RARB: variants seen among roughly 807,000 people sequenced by gnomAD.
The protein encoded by RARB is retinoic acid receptor beta, also known as HBV-activated protein.
A neutral mutation model predicts 51.9 loss-of-function variants in RARB; 17 were observed. The observed-to-expected ratio is 0.33, with a 90% CI of 0.22 to 0.49. The LOEUF (loss-of-function observed/expected upper bound fraction) is 0.49, where lower values mean the gene tolerates loss of function less well. Ranked by LOEUF, RARB falls within the 20% of genes least tolerant of loss-of-function variation. RARB has a pLI of 0.99. For synonymous variants in RARB, 215 were observed against 195.4 expected (o/e 1.10, Z -0.84); for missense variants, 369 against 550.8 (o/e 0.67, Z 3.30).
intron 2 of RARB, among the ~76,000 whole-genome samples, chr3:24,954,288 A>G (rs1464692189): frequency 2.0e-5 from 3 of 152,186 alleles, no homozygotes; most frequent in Non-Finnish European, 2.9e-5. Context: ...AAAATTCATC[A>G]TGTGTCCACT....
chr3:25,232,824 T>G (rs1702210256), intron 5 of RARB, among the ~76,000 whole-genome samples: 1 of 152,140 alleles, frequency 6.6e-6, no homozygotes, highest in Admixed American at 6.6e-5. Context: ...TTACATGAGA[T>G]ATTCAACACT....
intron 2 of RARB, among the ~76,000 whole-genome samples, chr3:24,891,136 A>C (rs1206947559): frequency 6.6e-6 from 1 of 152,184 alleles, no homozygotes; most frequent in Admixed American, 6.5e-5. Context: ...CCAAATGTAA[A>C]AAGTAATCCT....
chr3:25,108,537 C>T (rs114714481), intron 3 of RARB, among the ~76,000 whole-genome samples: 3 of 152,104 alleles, frequency 2.0e-5, no homozygotes, highest in Non-Finnish European at 4.4e-5. Flanking sequence ...TGCCATACAT[C>T]ACTCGTAATC....
intron 5 of RARB, among the ~76,000 whole-genome samples, chr3:25,237,151 T>C (rs1207253439): frequency 1.3e-5 from 2 of 152,104 alleles, no homozygotes; most frequent in African/African-American, 4.8e-5. Context: ...TTTCTTGCAT[T>C]AATATCTCAA....
intron 3 of RARB, among the ~76,000 whole-genome samples, chr3:25,563,073 G>A (rs1319035323): frequency 6.6e-6 from 1 of 152,164 alleles, no homozygotes; most frequent in Non-Finnish European, 1.5e-5. Flanking sequence ...TTTCCCCCAA[G>A]ACTTCAATAT....
chr3:25,277,287 C>T (rs548815169), intron 5 of RARB, among the ~76,000 whole-genome samples: 5 of 152,204 alleles, frequency 3.3e-5, no homozygotes, highest in South Asian at 2.1e-4. Flanking sequence ...CACCTAGCAG[C>T]GTAGCCTGGG....
intron 5 of RARB, among the ~76,000 whole-genome samples, chr3:25,213,015 A>G (rs940910339): frequency 1.4e-4 from 21 of 152,208 alleles, no homozygotes; most frequent in African/African-American, 5.1e-4. Context: ...GTTTTCTTCC[A>G]AATTCGCGTA....
intron 4 of RARB, among the ~76,000 whole-genome samples, chr3:25,571,769 A>C (rs1489869353): frequency 6.6e-6 from 1 of 152,212 alleles, no homozygotes; most frequent in Non-Finnish European, 1.5e-5. Context: ...CTAAATGGGA[A>C]TAATGTGAAA....
intron 1 of RARB, among the ~76,000 whole-genome samples, chr3:24,852,547 G>A (rs909741574): frequency 9.2e-5 from 14 of 152,018 alleles, no homozygotes; most frequent in Admixed American, 3.9e-4. Context: ...CCACATAAAG[G>A]CTTGTACATA....
intron 5 of RARB, among the ~76,000 whole-genome samples, chr3:25,319,162 T>C (rs550563330): frequency 2.0e-5 from 3 of 152,180 alleles, no homozygotes; most frequent in Non-Finnish European, 4.4e-5. Flanking sequence ...TGGTGAAGTT[T>C]TATCCTCCGA....
chr3:24,833,588 T>C (rs1702308260), intron 1 of RARB, among the ~76,000 whole-genome samples: 1 of 152,246 alleles, frequency 6.6e-6, no homozygotes, highest in Non-Finnish European at 1.5e-5. Context: ...TCTAACATTT[T>C]ACACACAAAA....
At chr3:25,286,086 T>C (rs1261505454) in intron 5 of RARB, among the ~76,000 whole-genome samples, 1 of 15,448 alleles carries the variant, frequency 6.5e-5, no homozygotes, top group Non-Finnish European at 1.1e-4. Context: ...TCTTTCTCTT[T>C]TTTTTTTTTT....
intron 1 of RARB, among the ~76,000 whole-genome samples, chr3:25,438,338 A>G (rs564739098): frequency 1.8e-4 from 27 of 151,926 alleles, no homozygotes; most frequent in African/African-American, 6.5e-4. Context: ...CCCAGATTCA[A>G]TAACTACCTT....
intron 3 of RARB, among the ~76,000 whole-genome samples, chr3:25,081,411 T>C (rs1698991222): frequency 1.3e-5 from 2 of 150,724 alleles, no homozygotes; most frequent in Admixed American, 1.3e-4. Context: ...TATAGTGCTT[T>C]TTAAATATCA....
At chr3:25,112,072 G>C in intron 3 of RARB, among the ~76,000 whole-genome samples, 1 of 152,128 alleles carries the variant, frequency 6.6e-6, no homozygotes. Flanking sequence ...ATAGTAGGCA[G>C]CTGTTCGGTG....
At chr3:24,986,345 C>G (rs1321238891) in intron 2 of RARB, among the ~76,000 whole-genome samples, 2 of 152,182 alleles carry the variant, frequency 1.3e-5, no homozygotes, top group African/African-American at 4.8e-5. Context: ...CAACTTCCGT[C>G]TCTTCTTCAA....
chr3:25,033,130 A>G (rs530936813), intron 2 of RARB, among the ~76,000 whole-genome samples: 3 of 152,318 alleles, frequency 2.0e-5, no homozygotes, highest in Admixed American at 6.5e-5. Flanking sequence ...TGGAGAGACA[A>G]TATGATGTAG....
chr3:25,096,030 G>C (rs1699287055), intron 3 of RARB, among the ~76,000 whole-genome samples: 1 of 152,138 alleles, frequency 6.6e-6, no homozygotes, highest in African/African-American at 2.4e-5. Context: ...CCCATTACTG[G>C]ACTGCTTAAT....
At chr3:25,177,020 G>C (rs1161487258) in intron 5 of RARB, among the ~76,000 whole-genome samples, 3 of 152,156 alleles carry the variant, frequency 2.0e-5, no homozygotes, top group African/African-American at 7.2e-5. Context: ...CACCTTAAAA[G>C]GTGTTTGGAG....
Sources: gnomAD v4.1 joint callset for allele counts (sites outside exome capture counted in the v4.1 genomes callset) on GRCh38, gnomAD v4.1.1 for gene constraint, MANE v1.5 for transcripts, NCBI Gene and HGNC (gene_info 2026-07-23, HGNC 2026-07-21) for gene names.